Variants in CACNA1A observed in about 807,000 individuals in gnomAD.
CACNA1A encodes calcium voltage-gated channel subunit alpha1 A.
In CACNA1A, 57 loss-of-function variants were observed where a neutral mutation model predicts 262.4. The ratio of observed to expected loss-of-function variants is 0.22; its 90% confidence interval spans 0.18 to 0.27. The LOEUF (loss-of-function observed/expected upper bound fraction) is 0.27, where lower values mean the gene tolerates loss of function less well. Ranked by LOEUF, CACNA1A falls within the 10% of genes least tolerant of loss-of-function variation. The probability of loss-of-function intolerance (pLI) is 1.00; values close to 1 mark genes in which losing one functional copy is unlikely to be tolerated. For missense variants in CACNA1A, 2,526 were observed against 3,562.8 expected (o/e 0.71, Z 7.41); for synonymous variants, 1,431 against 1,419.3 (o/e 1.01, Z -0.18).
chr19:13,334,350 C>T (rs752166711), intron 8 of CACNA1A, 28 bp downstream of exon 8: 6 of 1,180,714 alleles, frequency 5.1e-6, no homozygotes, highest in South Asian at 3.6e-5. Flanking sequence ...GATCTCCATC[C>T]CTGGGCCCCA....
chr19:13,298,489 G>A (rs2057716074), intron 19 of CACNA1A, 55 bp downstream of exon 19: 5 of 1,436,898 alleles, frequency 3.5e-6, no homozygotes, highest in South Asian at 2.5e-5. Flanking sequence ...TACTTTGGCT[G>A]TTGTCATTAT....
At chr19:13,378,794 A>C (rs954381902) in intron 3 of CACNA1A, among the ~76,000 whole-genome samples, 1 of 150,684 alleles carries the variant, frequency 6.6e-6, no homozygotes, top group African/African-American at 2.4e-5. Context: ...CAGCCTCCCG[A>C]GTAGCTGGGC....
chr19:13,497,330 C>T (rs1311196977), intron 1 of CACNA1A, among the ~76,000 whole-genome samples: 2 of 149,430 alleles, frequency 1.3e-5, no homozygotes, highest in Admixed American at 6.7e-5. Flanking sequence ...CTTACAGCAG[C>T]ATTGTTCATA....
chr19:13,430,352 G>C (rs891021610), intron 3 of CACNA1A, among the ~76,000 whole-genome samples: 3 of 152,160 alleles, frequency 2.0e-5, no homozygotes, highest in South Asian at 4.1e-4. Context: ...GACTACAGGC[G>C]TGCAATGCCA....
chr19:13,257,362 C>T lies in CACNA1A; in HGVS notation c.4578G>A (p.Leu1526=). The change falls in exon 28 of 47, where the codon CTG becomes CTA. Residue 1526 remains leucine (L), a synonymous_variant. Coordinates refer to ENST00000360228, the MANE Select transcript of CACNA1A (RefSeq NM_001127222.2). ...TTGGAAGTGGCACCTCATTTTTCTC[C>T]AGGCTGTATTCCTCCATCATCTTGT... ...QGDKMMEEYS[L]EKNERACIDF... The T allele has an allele frequency of 1.9e-6, 3 of 1,613,484 alleles. No homozygotes were observed. The highest frequency in any genetic ancestry group is 2.5e-6 in the Non-Finnish European group (3 of 1,179,620).
At chr19:13,259,822 G>GGAGTCACTGCTTCCC in intron 26 of CACNA1A, 121 bp from the exon 27 acceptor site, 1 of 1,035,310 alleles carries the variant, frequency 9.7e-7, no homozygotes, top group Non-Finnish European at 1.4e-6. Context: ...GACTGCTTGG[G>GGAGTCACTGCTTCCC]AAGCAGTGAC....
intron 38 of CACNA1A, among the ~76,000 whole-genome samples, chr19:13,223,544 C>G (rs969877557): frequency 6.6e-6 from 1 of 152,200 alleles, no homozygotes; most frequent in Admixed American, 6.5e-5. Context: ...CAGCAGCCCC[C>G]ACACTGGCCT....
chr19:13,434,373 G>A (rs2060573452), intron 3 of CACNA1A, among the ~76,000 whole-genome samples: 2 of 152,182 alleles, frequency 1.3e-5, no homozygotes, highest in South Asian at 4.1e-4. Flanking sequence ...TTAGGTTGGT[G>A]CAAAAGTAAT....
chr19:13,465,969 T>C (rs1025052451), intron 1 of CACNA1A, among the ~76,000 whole-genome samples: 2 of 152,102 alleles, frequency 1.3e-5, no homozygotes, highest in Non-Finnish European at 2.9e-5. Context: ...AGAGACAGAA[T>C]GCAGATGGGT....
At chr19:13,495,556 A>G (rs1225777866) in intron 1 of CACNA1A, among the ~76,000 whole-genome samples, 1 of 152,132 alleles carries the variant, frequency 6.6e-6, no homozygotes, top group Non-Finnish European at 1.5e-5. Flanking sequence ...TCGGCCTCCC[A>G]AAGTCCTAAA....
intron 5 of CACNA1A, among the ~76,000 whole-genome samples, chr19:13,361,762 T>G (rs907264024): frequency 2.6e-5 from 4 of 152,170 alleles, no homozygotes; most frequent in African/African-American, 9.7e-5. Context: ...ACATGAACTA[T>G]TATTTGATAA....
chr19:13,312,464 C>T (rs557298966), intron 12 of CACNA1A, among the ~76,000 whole-genome samples: 6 of 152,160 alleles, frequency 3.9e-5, no homozygotes, highest in African/African-American at 1.4e-4. Flanking sequence ...GGGGTCTATA[C>T]GTTTTCCTCC....
intron 19 of CACNA1A, among the ~76,000 whole-genome samples, chr19:13,292,917 T>G (rs1399816585): frequency 6.6e-6 from 1 of 152,244 alleles, no homozygotes; most frequent in Non-Finnish European, 1.5e-5. Context: ...ATCAGCCAAA[T>G]GAATAATGTC....
chr19:13,434,100 A>C (rs1242856592), intron 3 of CACNA1A, among the ~76,000 whole-genome samples: 1 of 152,208 alleles, frequency 6.6e-6, no homozygotes, highest in East Asian at 1.9e-4. Flanking sequence ...AATCCCTGCA[A>C]AGCCCTAAGG....
Position 13,298,865 on chromosome 19 carries a change from C to G in CACNA1A, c.2768G>C (p.Gly923Ala), listed in dbSNP as rs1568508314. ...CCTCCGGTGGGGGTCCCCGGCCTTG[C>G]CTCGCTCGGCCTCGCCCTCCCAGAA... ...PGFWEGEAERGKAGDPHRRHV... is the reference protein window; with the variant it reads ...PGFWEGEAERAKAGDPHRRHV... Residue 923 changes from glycine to alanine, a missense_variant, in exon 19 of 47, where the codon GGC (glycine) becomes GCC (alanine). Around this residue, in one of 17 missense-constraint regions of CACNA1A, gnomAD observed 765 missense variants for 748.6 expected, o/e 1.02. Transcript: ENST00000360228. 6.3e-7 allele frequency: 1 copy of G among 1,591,230 alleles called. No homozygotes were observed. The highest frequency in any genetic ancestry group is 8.5e-7 in the Non-Finnish European group (1 of 1,176,838).
chr19:13,332,838 C>T lies in CACNA1A; in HGVS notation c.1255+31G>A, dbSNP rs747810578. ...ACAGCTTCTCCCTTCTCCCCTGGGA[C>T]CCACCCCTGAGGTGGGTTTAGAGCA... is the stretch of plus-strand genomic sequence containing the variant. On this transcript the variant is annotated intron_variant, in intron 9 of 46. Coordinates refer to ENST00000360228, the MANE Select transcript of CACNA1A (RefSeq NM_001127222.2). The T allele has an allele frequency of 7.9e-6, 12 of 1,525,414 alleles. No individual in the cohort carries two copies. In the South Asian group the frequency reaches 1.1e-4, roughly 14 times the overall value. The allele number at this position is 1,525,414 out of a possible 1,614,324, so 94.5% of individuals were successfully genotyped here.
intron 24 of CACNA1A, among the ~76,000 whole-genome samples, chr19:13,267,409 C>G (rs753419416): frequency 1.8e-4 from 27 of 152,170 alleles, no homozygotes; most frequent in Non-Finnish European, 3.8e-4. Flanking sequence ...TTGGCAGGCA[C>G]CTGGCACTGC....
chr19:13,298,568 T>A lies in CACNA1A; in HGVS notation c.3065A>T (p.Lys1022Met), dbSNP rs2144951876. The A allele has an allele frequency of 6.5e-7, 1 of 1,543,526 alleles. No homozygotes were observed. Among genetic ancestry groups the A allele is most frequent in the East Asian group, 2.5e-5 (1 of 39,486 alleles). Residue 1022 changes from lysine to methionine, a missense_variant, in exon 19 of 47, where the codon AAG (lysine) becomes ATG (methionine). Coordinates refer to ENST00000360228, the MANE Select transcript of CACNA1A (RefSeq NM_001127222.2). ...TYEGDARRED[K>M]ERRHRRRKEN... is the part of the protein sequence containing the mutation. Reference sequence around the variant, plus strand: ...CTTCCTCCTCCGATGCCTCCGCTCCTTGTCCTCCCTCCGCGCGTCCCCCTC... The same window carrying A: ...CTTCCTCCTCCGATGCCTCCGCTCCATGTCCTCCCTCCGCGCGTCCCCCTC...
intron 3 of CACNA1A, among the ~76,000 whole-genome samples, chr19:13,443,855 G>A (rs1359394230): frequency 6.6e-6 from 1 of 152,176 alleles, no homozygotes; most frequent in Admixed American, 6.5e-5. Flanking sequence ...CCAGCTGTGT[G>A]ACTCCCTTGT....
Sources: gnomAD v4.1 joint callset for allele counts (sites outside exome capture counted in the v4.1 genomes callset) on GRCh38, gnomAD v4.1.1 for gene constraint, gnomAD v4.1.1 regional missense constraint, MANE v1.5 for transcripts, NCBI Gene and HGNC (gene_info 2026-07-23, HGNC 2026-07-21) for gene names.